The following SMCHD1 variants were observed in gnomAD, a reference collection of about 807,000 sequenced individuals.
SMCHD1 encodes structural maintenance of chromosomes flexible hinge domain containing 1, also known as structural maintenance of chromosomes flexible hinge domain-containing protein 1.
In SMCHD1, 78 loss-of-function variants were observed where a neutral mutation model predicts 254.7. The ratio of observed to expected loss-of-function variants is 0.31; its 90% CI spans 0.26 to 0.37. The LOEUF (loss-of-function observed/expected upper bound fraction) is 0.37, where lower values mean the gene tolerates loss of function less well. Ranked by LOEUF, SMCHD1 falls within the 10% of genes least tolerant of loss-of-function variation. The pLI is 1.00. For synonymous variants in SMCHD1, 766 were observed against 794.9 expected (o/e 0.96, Z 0.61); for missense variants, 1,840 against 2,408.1 (o/e 0.76, Z 4.94).
At chr18:2,675,853 A>G (rs137983580) in intron 5 of SMCHD1, among the ~76,000 whole-genome samples, 108 of 152,304 alleles carry the variant, frequency 7.1e-4, no homozygotes, top group African/African-American at 2.5e-3. Flanking sequence ...AGAACAAAAC[A>G]AACTTTTAAA....
chr18:2,727,288 C>T lies in SMCHD1; in HGVS notation c.2773+764C>T, dbSNP rs2143444619. 2 of 152,190 alleles carry T rather than the reference C, an allele frequency of 1.3e-5. 1 individual carries two copies. The highest frequency in any genetic ancestry group is 4.1e-4 in the South Asian group (2 of 4,824). 9.4% of individuals were successfully genotyped at this position (152,190 alleles called of 1,614,324 possible). A position where few individuals can be genotyped will look rare whatever the true frequency, so the allele number is the denominator to read the frequency against. On this transcript the variant is annotated intron_variant, in intron 22 of 47. Transcript: ENST00000320876. ...ACTCTCATATGAAAGATACCACAACCATATCTGTGTGCATATGTGACCTTT... is the reference window on the plus strand; with the variant it reads ...ACTCTCATATGAAAGATACCACAACTATATCTGTGTGCATATGTGACCTTT...
chr18:2,742,945 A>G (rs1726379405), intron 28 of SMCHD1, among the ~76,000 whole-genome samples: 3 of 152,126 alleles, frequency 2.0e-5, no homozygotes, highest in Admixed American at 6.6e-5. Context: ...AAGTGCTGGG[A>G]TTATAGTCAG....
Position 2,802,809 on chromosome 18 carries a change from T to G in SMCHD1, c.*257T>G. ...TTTGGTTGTCACTACCTTGCAAATG[T>G]GTAAGAGGAAAATGTGCTAATGTGG... is the stretch of plus-strand genomic sequence containing the variant. On this transcript the variant is annotated 3_prime_UTR_variant, in exon 48 of 48. Transcript: ENST00000320876. 2.7e-6 allele frequency: 1 copy of G among 368,666 alleles called. No homozygotes were observed. Among genetic ancestry groups the G allele is most frequent in the Non-Finnish European group, 4.9e-6 (1 of 205,586 alleles). The allele number at this position is 368,666 out of a possible 1,614,324, so 22.8% of individuals were successfully genotyped here.
intron 27 of SMCHD1, 26 bp downstream of exon 27, chr18:2,739,546 AAAC>A (rs1207333124): frequency 1.9e-6 from 3 of 1,561,230 alleles, no homozygotes; most frequent in Non-Finnish European, 2.6e-6. Flanking sequence ...TTTAAAAAAC[AAAC>A]AACAAAAAAA....
At chr18:2,794,921 A>C (rs909498065) in intron 45 of SMCHD1, among the ~76,000 whole-genome samples, 7 of 152,214 alleles carry the variant, frequency 4.6e-5, no homozygotes, top group Non-Finnish European at 4.4e-5. Flanking sequence ...CTGTGGTGGA[A>C]ATTTTCCCAG....
intron 1 of SMCHD1, among the ~76,000 whole-genome samples, chr18:2,661,697 C>T (rs1038612203): frequency 3.3e-5 from 5 of 152,220 alleles, no homozygotes; most frequent in South Asian, 2.1e-4. Flanking sequence ...TGGTCAGGAG[C>T]GATAACCCGG....
chr18:2,773,696 C>T (rs1251650135), intron 41 of SMCHD1, among the ~76,000 whole-genome samples: 4 of 152,112 alleles, frequency 2.6e-5, no homozygotes, highest in East Asian at 3.9e-4. Flanking sequence ...CCAAGACAGG[C>T]GCATTACCTG....
chr18:2,721,780 A>G (rs981616050), intron 19 of SMCHD1, among the ~76,000 whole-genome samples: 2 of 152,174 alleles, frequency 1.3e-5, no homozygotes, highest in African/African-American at 4.8e-5. Flanking sequence ...TCTAGCCATT[A>G]TTGGACATTG....
chr18:2,750,582 C>T (rs991741314), intron 32 of SMCHD1, 75 bp downstream of exon 32: 2 of 1,295,272 alleles, frequency 1.5e-6, no homozygotes, highest in Non-Finnish European at 2.1e-6. Flanking sequence ...ATTACTTATC[C>T]TAGGTTAAGT....
chr18:2,685,300 C>T lies in SMCHD1; in HGVS notation c.639-3094C>T, dbSNP rs553153238. On this transcript the variant is annotated intron_variant, in intron 5 of 47. Transcript: ENST00000320876. ...ATTTTTAGTAGAGATGGGGTTTCTC[C>T]GTGTTAGCCAGGATGGTCTTGATCT... Among the ~76,000 whole-genome samples the T allele has an allele frequency of 4.7e-3, 715 of 151,912 alleles. 2 individuals carry two copies. The highest frequency in any genetic ancestry group is 8.0e-3 in the Non-Finnish European group (544 of 67,932).
At position 2,708,907 on chromosome 18, in the gene SMCHD1, T is replaced by TATATAAAA. The variant is rs769432583; in HGVS notation, c.2260+988_2260+989insTATAAAAA. Among the ~76,000 whole-genome samples the TATATAAAA allele has an allele frequency of 5.4e-3, 241 of 44,706 alleles. 26 individuals are homozygous for TATATAAAA. The highest frequency in any genetic ancestry group is 0.013 in the African/African-American group (159 of 11,892). The allele number at this position is 44,706 out of a possible 152,430, so 29.3% of individuals were successfully genotyped here. On this transcript the variant is annotated intron_variant, in intron 17 of 47. Transcript: ENST00000320876. ...ATATATATATATATATATATATATA[T>TATATAAAA]AACATATTAACATGAAATTTATGAA...
At chr18:2,661,360 T>C (rs1430266028) in intron 1 of SMCHD1, among the ~76,000 whole-genome samples, 1 of 151,920 alleles carries the variant, frequency 6.6e-6, no homozygotes, top group African/African-American at 2.4e-5. Flanking sequence ...ATAGTTTGTG[T>C]GTCTTAATTG....
intron 37 of SMCHD1, 79 bp downstream of exon 37, chr18:2,763,868 T>C: frequency 7.6e-7 from 1 of 1,307,320 alleles, no homozygotes; most frequent in Non-Finnish European, 1.1e-6. Context: ...ACCTTTTCTT[T>C]TGTATAGCTA....
At chr18:2,702,411 A>AC (rs1265105640) in intron 12 of SMCHD1, 1 of 152,144 alleles carries the variant, frequency 6.6e-6, no homozygotes, top group Non-Finnish European at 1.5e-5. Flanking sequence ...TGCCTTCTGA[A>AC]TTGTACTTTG....
intron 45 of SMCHD1, among the ~76,000 whole-genome samples, chr18:2,785,670 A>AAG (rs57180698): frequency 0.041 from 4,003 of 97,566 alleles, 863 homozygotes; most frequent in African/African-American, 0.14. Context: ...AAAAAAAAAA[A>AAG]ACAGTTCATT....
At position 2,707,940 on chromosome 18, in the gene SMCHD1, T is replaced by C. The variant is rs1315934456; in HGVS notation, c.2260+20T>C. The C allele has an allele frequency of 2.9e-6, 4 of 1,358,270 alleles. No homozygotes were observed. Among genetic ancestry groups the C allele is most frequent in the Non-Finnish European group, 4.0e-6 (4 of 992,990 alleles). The allele number at this position is 1,358,270 out of a possible 1,614,324, so 84.1% of individuals were successfully genotyped here. A position where few individuals can be genotyped will look rare whatever the true frequency, so the allele number is the denominator to read the frequency against. On this transcript the variant is annotated intron_variant, in intron 17 of 47. Coordinates refer to ENST00000320876, the MANE Select transcript of SMCHD1 (RefSeq NM_015295.3). ...TACATTGTAAGTATACAAACTAATTTAGATCTTTAATATTGTTTTTAAAAT... is the reference window on the plus strand; with the variant it reads ...TACATTGTAAGTATACAAACTAATTCAGATCTTTAATATTGTTTTTAAAAT...
chr18:2,713,903 C>T (rs2094482248), intron 17 of SMCHD1, among the ~76,000 whole-genome samples: 1 of 152,136 alleles, frequency 6.6e-6, no homozygotes, highest in Admixed American at 6.5e-5. Flanking sequence ...TATGGCCTTT[C>T]TTCAAGAATG....
At chr18:2,800,227 A>G (rs1243736624) in intron 47 of SMCHD1, among the ~76,000 whole-genome samples, 1 of 151,930 alleles carries the variant, frequency 6.6e-6, no homozygotes, top group Non-Finnish European at 1.5e-5. Flanking sequence ...AGTGGCAAAT[A>G]AAAAGGACGG....
At chr18:2,789,425 A>C (rs1310718283) in intron 45 of SMCHD1, among the ~76,000 whole-genome samples, 1 of 152,190 alleles carries the variant, frequency 6.6e-6, no homozygotes, top group East Asian at 1.9e-4. Context: ...TGTCAAGGCT[A>C]AGTGGAAGGT....
Sources: allele counts gnomAD v4.1 joint callset (sites outside exome capture counted in the v4.1 genomes callset), GRCh38; gene constraint gnomAD v4.1.1; transcripts MANE v1.5; gene names NCBI Gene and HGNC (gene_info 2026-07-23, HGNC 2026-07-21).